ITGB4: variants seen among roughly 807,000 people sequenced by gnomAD.
The protein encoded by ITGB4 is integrin subunit beta 4, also known as integrin beta-4.
A neutral mutation model predicts 207.6 loss-of-function variants in ITGB4; 159 were observed. That is an observed-to-expected ratio of 0.77 (90% CI 0.67 to 0.87). ITGB4 has a LOEUF of 0.87. Ranked by LOEUF, ITGB4 falls within the 40% of genes least tolerant of loss-of-function variation. ITGB4 has a pLI of 0.00. For synonymous variants in ITGB4, 1,020 were observed against 1,062.7 expected (o/e 0.96, Z 0.78); for missense variants, 2,278 against 2,546.8 (o/e 0.89, Z 2.27).
At position 75,731,852 on chromosome 17, in the gene ITGB4, A is replaced by T; in HGVS notation, c.1256A>T (p.Asp419Val). ...CAGCTGCGGGCCCTTGAGCACGTGGATGGGACGCACGTGTGCCAGCTGCCG... is the reference window on the plus strand; with the variant it reads ...CAGCTGCGGGCCCTTGAGCACGTGGTTGGGACGCACGTGTGCCAGCTGCCG... ...QVQLRALEHVDGTHVCQLPED... is the reference protein window; with the variant it reads ...QVQLRALEHVVGTHVCQLPED... Residue 419 changes from aspartate to valine, a missense_variant, in exon 11 of 40, where the codon GAT becomes GTT. Coordinates refer to ENST00000200181, the MANE Select transcript of ITGB4 (RefSeq NM_000213.5). This position sits in a 1 kb window ranked among gnomAD's most constrained non-coding sequence, Gnocchi z 6.8. 2 of 1,612,350 alleles carry T rather than the reference A, an allele frequency of 1.2e-6. No homozygotes were observed. Among genetic ancestry groups the T allele is most frequent in the Non-Finnish European group, 1.7e-6 (2 of 1,179,336 alleles).
At position 75,728,489 on chromosome 17, in the gene ITGB4, G is replaced by T; in HGVS notation, c.566+16G>T. The T allele has an allele frequency of 6.3e-7, 1 of 1,597,670 alleles. No homozygotes were observed. The highest frequency in any genetic ancestry group is 8.6e-7 in the Non-Finnish European group (1 of 1,165,126). ...GGCCTGAGAAGTAAGTGACTGTGTG[G>T]GTCCCGCAGGTGGGCAAGGGTCCAG... On this transcript the variant is annotated intron_variant, in intron 6 of 39. Transcript: ENST00000200181.
rs977821723 is a variant in ITGB4, at chr17:75,756,362, C to T, written c.4709-67C>T. 7.3e-5 allele frequency: 115 copies of T among 1,569,762 alleles called. 1 individual carries two copies. The Admixed American group carries it at 1.4e-3, about 19-fold the overall frequency. Reference sequence around the variant, plus strand: ...CTAGGTCTCGATGGCAGCTTAGGGACGAGGAGGATCAGGCCAGGGGTGGGA... The same window carrying T: ...CTAGGTCTCGATGGCAGCTTAGGGATGAGGAGGATCAGGCCAGGGGTGGGA... On this transcript the variant is annotated intron_variant, in intron 35 of 39. Transcript: ENST00000200181.
intron 32 of ITGB4, 117 bp from the exon 33 acceptor site, chr17:75,753,648 G>C (rs995475644): frequency 3.2e-6 from 2 of 632,172 alleles, no homozygotes; most frequent in African/African-American, 3.8e-5. Context: ...CACACACCCC[G>C]GGATCCCGGG....
chr17:75,724,860 A>C, intron 2 of ITGB4, 78 bp downstream of exon 2: 51 of 1,211,118 alleles, frequency 4.2e-5, no homozygotes, highest in Non-Finnish European at 5.7e-5. Context: ...CGGGGATCTC[A>C]CGGTGTCTCA....
chr17:75,735,285 A>G (rs992569779), intron 13 of ITGB4, among the ~76,000 whole-genome samples: 7 of 151,760 alleles, frequency 4.6e-5, no homozygotes, highest in Non-Finnish European at 8.8e-5. Flanking sequence ...ATAGAGTTTC[A>G]CCATGTTGGC....
Position 75,736,351 on chromosome 17 carries a change from T to C in ITGB4, c.1825T>C (p.Tyr609His). The change falls in exon 15 of 40, where the codon TAC becomes CAC. Residue 609 changes from tyrosine (Y) to histidine (H), a missense_variant. Coordinates refer to ENST00000200181, the MANE Select transcript of ITGB4 (RefSeq NM_000213.5). ...GRCHCHQQSL[Y>H]TDTICEINYS... Reference sequence around the variant, plus strand: ...CTGCCACTGCCACCAGCAGTCGCTCTACACGGACACCATCTGCGAGATCAA... The same window carrying C: ...CTGCCACTGCCACCAGCAGTCGCTCCACACGGACACCATCTGCGAGATCAA... 6.2e-7 allele frequency: 1 copy of C among 1,614,156 alleles called. No homozygotes were observed. The highest frequency in any genetic ancestry group is 1.3e-5 in the African/African-American group (1 of 75,052).
chr17:75,752,956 A>G (rs1380905156), intron 32 of ITGB4, among the ~76,000 whole-genome samples: 1 of 152,164 alleles, frequency 6.6e-6, no homozygotes, highest in Non-Finnish European at 1.5e-5. Context: ...AGCCAAGGAG[A>G]CAAGAACACC....
chr17:75,736,942 C>T (rs913194383), intron 16 of ITGB4, among the ~76,000 whole-genome samples: 8 of 152,100 alleles, frequency 5.3e-5, no homozygotes, highest in African/African-American at 1.9e-4. Context: ...CAGGAAGGGA[C>T]CAAGAGTCTT....
chr17:75,740,612 G>A lies in ITGB4; in HGVS notation c.2550+151G>A, dbSNP rs1424628054. 2.1e-6 allele frequency: 2 copies of A among 956,446 alleles called. No homozygotes were observed. Among genetic ancestry groups the A allele is most frequent in the African/African-American group, 1.6e-5 (1 of 62,080 alleles). The allele number at this position is 956,446 out of a possible 1,614,324, so 59.2% of individuals were successfully genotyped here. On this transcript the variant is annotated intron_variant, in intron 21 of 39. Transcript: ENST00000200181. This position sits in a 1 kb window ranked among gnomAD's most constrained non-coding sequence, Gnocchi z 5.9. Reference sequence around the variant, plus strand: ...CTGTGCCTGGCAGGGGGCATCCTGGGATCTGTTTCCAGAGGGCAGAAGGCC... The same window carrying A: ...CTGTGCCTGGCAGGGGGCATCCTGGAATCTGTTTCCAGAGGGCAGAAGGCC...
rs71361693 is a variant in ITGB4, at chr17:75,735,412, C to CTTTTTTT, written c.1658-626_1658-620dup. On this transcript the variant is annotated intron_variant, in intron 13 of 39. Transcript: ENST00000200181. ...GACAGTTTTATTTCTTTTTTCTTTTCTTTTTTTTTTTTTTTTTTTGAGACG... is the reference window on the plus strand; with the variant it reads ...GACAGTTTTATTTCTTTTTTCTTTTCTTTTTTTTTTTTTTTTTTTTTTTTTTGAGACG... Among the ~76,000 whole-genome samples, 70 of 102,866 alleles carry CTTTTTTT rather than the reference C, an allele frequency of 6.8e-4. 1 individual carries two copies. The highest frequency in any genetic ancestry group is 7.6e-4 in the Non-Finnish European group (41 of 53,662). The allele number at this position is 102,866 out of a possible 152,430, so 67.5% of individuals were successfully genotyped here.
Position 75,739,995 on chromosome 17 carries a change from C to A in ITGB4, c.2370C>A (p.Val790=). ...RSGNLKGRDV[V]RWKVTNNMQR... is the part of the protein sequence containing the mutation. The stretch of plus-strand genomic sequence containing the variant: ...GGAACCTCAAGGGCCGTGACGTGGT[C>A]CGCTGGAAGGTCACCAACAACATGC... The change falls in exon 20 of 40, where the codon GTC becomes GTA. Residue 790 remains valine (V), a synonymous_variant. Transcript: ENST00000200181. The surrounding 1 kb of genome is among the most constrained non-coding windows in gnomAD (Gnocchi z 5.4). The A allele has an allele frequency of 6.2e-7, 1 of 1,613,218 alleles. No homozygotes were observed. The highest frequency in any genetic ancestry group is 1.1e-5 in the South Asian group (1 of 91,076).
Position 75,757,690 on chromosome 17 carries a change from C to T in ITGB4, c.*135C>T. 1 of 1,261,706 alleles carries T rather than the reference C, an allele frequency of 7.9e-7. No homozygotes were observed. The highest frequency in any genetic ancestry group is 1.1e-6 in the Non-Finnish European group (1 of 876,930). 78.2% of individuals were successfully genotyped at this position (1,261,706 alleles called of 1,614,324 possible). On this transcript the variant is annotated 3_prime_UTR_variant, in exon 40 of 40. Transcript: ENST00000200181. ...CATGCACAGAGCAGGGGCTAGGTGT[C>T]TCCTGGGAGGCATGAAGGGGGCAAG...
intron 6 of ITGB4, among the ~76,000 whole-genome samples, chr17:75,728,906 C>G (rs553315517): frequency 2.0e-5 from 3 of 151,640 alleles, no homozygotes; most frequent in African/African-American, 7.3e-5. Context: ...ATGGCGTGAA[C>G]CCGGGAGGCG....
chr17:75,725,905 T>C (rs2148456295), intron 2 of ITGB4, among the ~76,000 whole-genome samples: 1 of 152,296 alleles, frequency 6.6e-6, no homozygotes, highest in South Asian at 2.1e-4. Flanking sequence ...CAAGCTGTGA[T>C]GGAGGAGGTA....
chr17:75,731,759 C>G lies in ITGB4; in HGVS notation c.1216-53C>G. On this transcript the variant is annotated intron_variant, in intron 10 of 39. Transcript: ENST00000200181. This position sits in a 1 kb window ranked among gnomAD's most constrained non-coding sequence, Gnocchi z 6.8. The stretch of plus-strand genomic sequence containing the variant: ...GCCGAGGGCCTTCAGGCATCGATGG[C>G]CCCCTGGTCCTTGGGGCTGGGCCTG... 1 of 1,519,184 alleles carries G rather than the reference C, an allele frequency of 6.6e-7. No homozygotes were observed. Among genetic ancestry groups the G allele is most frequent in the South Asian group, 1.2e-5 (1 of 80,884 alleles). 94.1% of individuals were successfully genotyped at this position (1,519,184 alleles called of 1,614,324 possible).
In ITGB4 at chr17:75,754,777, C is replaced by G. The variant is rs752769046; in HGVS notation, c.4520C>G (p.Pro1507Arg). The change falls in exon 34 of 40, where the codon CCC becomes CGC. Residue 1507 changes from proline to arginine, a missense_variant. Pro to Arg is a moderately radical substitution (Grantham distance 103). Transcript: ENST00000200181. ...GAACACTCACACTCGACCACACTGC[C>G]CAGGGACTACTCCACCCTCACCTCC... ...RSEHSHSTTL[P>R]RDYSTLTSVS... The G allele has an allele frequency of 2.5e-6, 4 of 1,612,544 alleles. No homozygotes were observed. Among genetic ancestry groups the G allele is most frequent in the South Asian group, 2.2e-5 (2 of 90,938 alleles).
chr17:75,731,414 C>T lies in ITGB4; in HGVS notation c.1215+46C>T, dbSNP rs748890456. The T allele has an allele frequency of 3.2e-6, 5 of 1,574,486 alleles. No homozygotes were observed. In the East Asian group the frequency reaches 1.1e-4, roughly 35 times the overall value. ...CGGGGTGGGGGATAGGCACAGCGCCCCACACCGAGTGGAATCGTTTAAAAC... is the reference window on the plus strand; with the variant it reads ...CGGGGTGGGGGATAGGCACAGCGCCTCACACCGAGTGGAATCGTTTAAAAC... On this transcript the variant is annotated intron_variant, in intron 10 of 39. Transcript: ENST00000200181. This position sits in a 1 kb window ranked among gnomAD's most constrained non-coding sequence, Gnocchi z 6.8.
rs113140668 is a variant in ITGB4 at position 75,741,245 on chromosome 17, C to T, written c.2633+240C>T. 815 of 618,796 alleles carry T rather than the reference C, an allele frequency of 1.3e-3. 10 individuals are homozygous for T. Among genetic ancestry groups the T allele is most frequent in the African/African-American group, 0.013 (718 of 54,990 alleles). 38.3% of individuals were successfully genotyped at this position (618,796 alleles called of 1,614,324 possible). A position where few individuals can be genotyped will look rare whatever the true frequency, so the allele number is the denominator to read the frequency against. On this transcript the variant is annotated intron_variant, in intron 23 of 39. Transcript: ENST00000200181. ...CAGGCAAAAGCAAATCAACCCAGTC[C>T]CTGCCCTCATATAGGTGACTGTCCA...
rs56331778 is a variant in ITGB4, at chr17:75,742,774, G to A, written c.2962+13G>A. 6.2e-7 allele frequency: 1 copy of A among 1,602,062 alleles called. No individual in the cohort carries two copies. The highest frequency in any genetic ancestry group is 1.7e-5 in the Admixed American group (1 of 59,872). On this transcript the variant is annotated intron_variant, in intron 25 of 39. Coordinates refer to ENST00000200181, the MANE Select transcript of ITGB4 (RefSeq NM_000213.5). The surrounding 1 kb of genome is among the most constrained non-coding windows in gnomAD (Gnocchi z 5.9). The stretch of plus-strand genomic sequence containing the variant: ...ATCAAGGAGCAAGGTGGGTCTGGGT[G>A]GGGAGAGTGGGGAAGGCAGACGGGG...
Sources: allele counts gnomAD v4.1 joint callset (sites outside exome capture counted in the v4.1 genomes callset), GRCh38; gene constraint gnomAD v4.1.1; non-coding constraint Gnocchi (gnomAD v3.1); transcripts MANE v1.5; gene names NCBI Gene and HGNC (gene_info 2026-07-23, HGNC 2026-07-21).